Variants in ANKRD52 observed in about 807,000 individuals in gnomAD.
ANKRD52 encodes the protein ankyrin repeat domain 52, also known as serine/threonine-protein phosphatase 6 regulatory ankyrin repeat subunit C.
In ANKRD52, 7 loss-of-function variants were observed where a neutral mutation model predicts 116.0. The ratio of observed to expected loss-of-function variants is 0.06; its 90% CI spans 0.03 to 0.11. ANKRD52 has a LOEUF of 0.11. ANKRD52 is among the 10% of genes least tolerant of loss of function. ANKRD52 has a pLI of 1.00. For missense variants in ANKRD52, 839 were observed against 1,408.6 expected (o/e 0.60, Z 6.47); for synonymous variants, 528 against 578.1 (o/e 0.91, Z 1.24).
Position 56,242,891 on chromosome 12 carries a change from T to C in ANKRD52, c.*251A>G. On this transcript the variant is annotated 3_prime_UTR_variant, in exon 28 of 28. Coordinates refer to ENST00000267116, the MANE Select transcript of ANKRD52 (RefSeq NM_173595.4). This position sits in a 1 kb window ranked among gnomAD's most constrained non-coding sequence, Gnocchi z 4.3. Reference sequence around the variant, plus strand: ...GGGGGAGCCAGGCATTTAGCAATCATTTTGGGACACTTGGCAGAAGGGGTC... The same window carrying C: ...GGGGGAGCCAGGCATTTAGCAATCACTTTGGGACACTTGGCAGAAGGGGTC... 2.1e-6 allele frequency: 1 copy of C among 486,068 alleles called. No individual in the cohort carries two copies. Among genetic ancestry groups the C allele is most frequent in the Non-Finnish European group, 3.6e-6 (1 of 276,194 alleles). The allele number at this position is 486,068 out of a possible 1,614,324, so 30.1% of individuals were successfully genotyped here. A position where few individuals can be genotyped will look rare whatever the true frequency, so the allele number is the denominator to read the frequency against.
Position 56,253,953 on chromosome 12 carries a change from T to C in ANKRD52, c.906+114A>G, listed in dbSNP as rs899068592. On this transcript the variant is annotated intron_variant, in intron 8 of 27. Coordinates refer to ENST00000267116, the MANE Select transcript of ANKRD52 (RefSeq NM_173595.4). This position sits in a 1 kb window ranked among gnomAD's most constrained non-coding sequence, Gnocchi z 5.5. Reference sequence around the variant, plus strand: ...TCTTTCCTGAGTCCCTGGCAAGGTCTGATTACCCTAGGAAGCAAGTGGATA... The same window carrying C: ...TCTTTCCTGAGTCCCTGGCAAGGTCCGATTACCCTAGGAAGCAAGTGGATA... The C allele has an allele frequency of 5.9e-6, 8 of 1,357,490 alleles. No individual in the cohort carries two copies. The highest frequency in any genetic ancestry group is 6.1e-6 in the Non-Finnish European group (6 of 976,908). The allele number at this position is 1,357,490 out of a possible 1,614,324, so 84.1% of individuals were successfully genotyped here. A position where few individuals can be genotyped will look rare whatever the true frequency, so the allele number is the denominator to read the frequency against.
Position 56,241,681 on chromosome 12 carries a change from G to T in ANKRD52, c.*1461C>A. 1 of 287,536 alleles carries T rather than the reference G, an allele frequency of 3.5e-6. No individual in the cohort carries two copies. Among genetic ancestry groups the T allele is most frequent in the Non-Finnish European group, 6.4e-6 (1 of 155,624 alleles). 17.8% of individuals were successfully genotyped at this position (287,536 alleles called of 1,614,324 possible). A position where few individuals can be genotyped will look rare whatever the true frequency, so the allele number is the denominator to read the frequency against. On this transcript the variant is annotated 3_prime_UTR_variant, in exon 28 of 28. Transcript: ENST00000267116. The stretch of plus-strand genomic sequence containing the variant: ...TTCTGTGTCTTGGCCCCTGGCTGAG[G>T]TATTGAGTGTGAGGAAGGGAACACT...
chr12:56,238,054 G>A lies in ANKRD52; in HGVS notation c.*5088C>T, dbSNP rs777537070. 4 of 274,552 alleles carry A rather than the reference G, an allele frequency of 1.5e-5. No homozygotes were observed. Among genetic ancestry groups the A allele is most frequent in the East Asian group, 6.7e-5 (1 of 14,860 alleles). 17.0% of individuals were successfully genotyped at this position (274,552 alleles called of 1,614,324 possible). A position where few individuals can be genotyped will look rare whatever the true frequency, so the allele number is the denominator to read the frequency against. ...GTCCCCACTTTTTCCTGCTGCCCTC[G>A]GCACCCTGGGGATGCAGGCATCTGG... On this transcript the variant is annotated 3_prime_UTR_variant, in exon 28 of 28. Coordinates refer to ENST00000267116, the MANE Select transcript of ANKRD52 (RefSeq NM_173595.4).
chr12:56,254,522 C>G lies in ANKRD52; in HGVS notation c.693+56G>C. On this transcript the variant is annotated intron_variant, in intron 7 of 27. Coordinates refer to ENST00000267116, the MANE Select transcript of ANKRD52 (RefSeq NM_173595.4). The surrounding 1 kb of genome is among the most constrained non-coding windows in gnomAD (Gnocchi z 4.6). ...CAATACCTCATATCTCCGTAACAGA[C>G]TATAATCTCCTACTTGCTGCCCATA... The G allele has an allele frequency of 3.1e-6, 5 of 1,595,564 alleles. No homozygotes were observed. The highest frequency in any genetic ancestry group is 4.3e-6 in the Non-Finnish European group (5 of 1,171,060).
In ANKRD52 at chr12:56,248,135, G is replaced by T. The variant is rs775922926; in HGVS notation, c.1866C>A (p.Leu622=). 3.1e-6 allele frequency: 5 copies of T among 1,613,928 alleles called. No homozygotes were observed. The East Asian group carries it at 1.1e-4, about 36-fold the overall frequency. The part of the protein sequence containing the change: ...DVRDHKGRTA[L]FLATERGSTE... ...TAGAGCCGCGCTCCGTGGCCAGGAAGAGTGCGGTCCGGCCCTTGTGGTCCC... is the reference window on the plus strand; with the variant it reads ...TAGAGCCGCGCTCCGTGGCCAGGAATAGTGCGGTCCGGCCCTTGTGGTCCC... Residue 622 remains leucine (L), a synonymous_variant, in exon 18 of 28, where the codon CTC becomes CTA. Coordinates refer to ENST00000267116, the MANE Select transcript of ANKRD52 (RefSeq NM_173595.4). The surrounding 1 kb of genome is among the most constrained non-coding windows in gnomAD (Gnocchi z 5.1).
chr12:56,255,085 G>A lies in ANKRD52; in HGVS notation c.463-133C>T. On this transcript the variant is annotated intron_variant, in intron 5 of 27. Transcript: ENST00000267116. This position sits in a 1 kb window ranked among gnomAD's most constrained non-coding sequence, Gnocchi z 4.3. ...TTTCCATGAGCAAAACAACCTGGAGGACTCGAGGGAACAGCAGAAGCAGGC... is the reference window on the plus strand; with the variant it reads ...TTTCCATGAGCAAAACAACCTGGAGAACTCGAGGGAACAGCAGAAGCAGGC... The A allele has an allele frequency of 1.3e-6, 1 of 761,216 alleles. No homozygotes were observed. The allele number at this position is 761,216 out of a possible 1,614,324, so 47.2% of individuals were successfully genotyped here.
rs1871291829 is a variant in ANKRD52, at chr12:56,244,235, C to A, written c.2806-102G>T. ...AACAGGAGGACAAACAGCTGCCCAA[C>A]CAGTCGGATAGGCTGGACAATCCTC... On this transcript the variant is annotated intron_variant, in intron 25 of 27. Transcript: ENST00000267116. This position sits in a 1 kb window ranked among gnomAD's most constrained non-coding sequence, Gnocchi z 4.9. 1.3e-6 allele frequency: 2 copies of A among 1,531,484 alleles called. No homozygotes were observed. Among genetic ancestry groups the A allele is most frequent in the African/African-American group, 1.4e-5 (1 of 73,256 alleles). The allele number at this position is 1,531,484 out of a possible 1,614,324, so 94.9% of individuals were successfully genotyped here.
In ANKRD52 at chr12:56,257,914, G is replaced by A. The variant is rs1456090152; in HGVS notation, c.28-3C>T. ...AAGATGGCCTGGACCAGGGGCGGCTGCAGAGAGAACCGGCATTCTGAGAGC... is the reference window on the plus strand; with the variant it reads ...AAGATGGCCTGGACCAGGGGCGGCTACAGAGAGAACCGGCATTCTGAGAGC... On this transcript the variant is annotated splice_polypyrimidine_tract_variant and splice_region_variant and intron_variant, in intron 1 of 27. Coordinates refer to ENST00000267116, the MANE Select transcript of ANKRD52 (RefSeq NM_173595.4). 2 of 1,612,224 alleles carry A rather than the reference G, an allele frequency of 1.2e-6. No individual in the cohort carries two copies. The highest frequency in any genetic ancestry group is 1.1e-5 in the South Asian group (1 of 91,018).
At position 56,255,180 on chromosome 12, in the gene ANKRD52, T is replaced by A; in HGVS notation, c.463-228A>T. The A allele has an allele frequency of 2.2e-6, 1 of 450,286 alleles. No homozygotes were observed. The highest frequency in any genetic ancestry group is 4.0e-6 in the Non-Finnish European group (1 of 252,388). 27.9% of individuals were successfully genotyped at this position (450,286 alleles called of 1,614,324 possible). A position where few individuals can be genotyped will look rare whatever the true frequency, so the allele number is the denominator to read the frequency against. On this transcript the variant is annotated intron_variant, in intron 5 of 27. Transcript: ENST00000267116. This position sits in a 1 kb window ranked among gnomAD's most constrained non-coding sequence, Gnocchi z 4.3. Reference sequence around the variant, plus strand: ...AAGAGAGTCTCTTCAGGTGATCTGGTGGTTCTTAAACTCTTTTTTTTTTTT... The same window carrying A: ...AAGAGAGTCTCTTCAGGTGATCTGGAGGTTCTTAAACTCTTTTTTTTTTTT...
rs1871842909 is a variant in ANKRD52, at chr12:56,254,331, G to T, written c.694-52C>A. On this transcript the variant is annotated intron_variant, in intron 7 of 27. Transcript: ENST00000267116. This position sits in a 1 kb window ranked among gnomAD's most constrained non-coding sequence, Gnocchi z 4.6. ...TGGTATCAGTTTAAACAAAGTAGAA[G>T]CCAGCACATGTAGCCTCCAGATCCC... 3 of 1,569,610 alleles carry T rather than the reference G, an allele frequency of 1.9e-6. No homozygotes were observed. The African/African-American group carries it at 4.1e-5, about 21-fold the overall frequency.
rs760926383 is a variant in ANKRD52 at position 56,254,647 on chromosome 12, C to T, written c.624G>A (p.Gly208=). The T allele has an allele frequency of 6.2e-7, 1 of 1,613,900 alleles. No individual in the cohort carries two copies. Among genetic ancestry groups the T allele is most frequent in the Non-Finnish European group, 8.5e-7 (1 of 1,179,830 alleles). ...CACTGGCAGCAGCTGTATGGAGCAGCCCATAGCCCTTGCGGTCCTTGCAGC... is the reference window on the plus strand; with the variant it reads ...CACTGGCAGCAGCTGTATGGAGCAGTCCATAGCCCTTGCGGTCCTTGCAGC... ...DLGCKDRKGY[G]LLHTAAASGQ... is the part of the protein sequence containing the mutation. Residue 208 remains glycine (G), a synonymous_variant, in exon 7 of 28, where the codon GGG becomes GGA. Transcript: ENST00000267116. The surrounding 1 kb of genome is among the most constrained non-coding windows in gnomAD (Gnocchi z 4.6).
Position 56,240,247 on chromosome 12 carries a change from C to T in ANKRD52, c.*2895G>A, listed in dbSNP as rs947187977. ...TTCTGAAGGATAGTATATGACCCTACCAGAGCCACCGCCCAATCAGAAATA... is the reference window on the plus strand; with the variant it reads ...TTCTGAAGGATAGTATATGACCCTATCAGAGCCACCGCCCAATCAGAAATA... On this transcript the variant is annotated 3_prime_UTR_variant, in exon 28 of 28. Coordinates refer to ENST00000267116, the MANE Select transcript of ANKRD52 (RefSeq NM_173595.4). This position sits in a 1 kb window ranked among gnomAD's most constrained non-coding sequence, Gnocchi z 4.2. 6.6e-6 allele frequency: 1 copy of T among 152,184 alleles called. No homozygotes were observed. Among genetic ancestry groups the T allele is most frequent in the African/African-American group, 2.4e-5 (1 of 41,430 alleles). 9.4% of individuals were successfully genotyped at this position (152,184 alleles called of 1,614,324 possible).
rs542003329 is a variant in ANKRD52, at chr12:56,255,751, C to G, written c.462+33G>C. On this transcript the variant is annotated intron_variant, in intron 5 of 27. Transcript: ENST00000267116. This position sits in a 1 kb window ranked among gnomAD's most constrained non-coding sequence, Gnocchi z 4.3. ...AGTAGGAAGGTAAGAAAAGGGAAAGCCCCAGCTGGGCCTGGATGGGAACAG... is the reference window on the plus strand; with the variant it reads ...AGTAGGAAGGTAAGAAAAGGGAAAGGCCCAGCTGGGCCTGGATGGGAACAG... 6 of 1,526,060 alleles carry G rather than the reference C, an allele frequency of 3.9e-6. No individual in the cohort carries two copies. In the African/African-American group the frequency reaches 8.2e-5, roughly 21 times the overall value. 94.5% of individuals were successfully genotyped at this position (1,526,060 alleles called of 1,614,324 possible). A position where few individuals can be genotyped will look rare whatever the true frequency, so the allele number is the denominator to read the frequency against.
chr12:56,245,284 G>A, intron 21 of ANKRD52, 93 bp downstream of exon 21: 2 of 1,600,906 alleles, frequency 1.2e-6, no homozygotes, highest in Admixed American at 3.3e-5. Context: ...TCCAGATTCA[G>A]ATCAACCCAG....
Position 56,252,653 on chromosome 12 carries a change from G to A in ANKRD52, c.1302-83C>T, listed in dbSNP as rs574148114. 10 of 1,543,490 alleles carry A rather than the reference G, an allele frequency of 6.5e-6. No homozygotes were observed. The East Asian group carries it at 2.2e-4, about 35-fold the overall frequency. ...GTGGGGCTAAGGAAGGATGGGACTA[G>A]CAAGCCCTTTCTGCTGTGACTGCTT... On this transcript the variant is annotated intron_variant, in intron 12 of 27. Coordinates refer to ENST00000267116, the MANE Select transcript of ANKRD52 (RefSeq NM_173595.4). This position sits in a 1 kb window ranked among gnomAD's most constrained non-coding sequence, Gnocchi z 4.7.
chr12:56,249,688 G>A (rs962392287), intron 15 of ANKRD52, among the ~76,000 whole-genome samples: 3 of 152,172 alleles, frequency 2.0e-5, no homozygotes, highest in African/African-American at 4.8e-5. Context: ...CAGATCACCC[G>A]CGGTCAGGAG....
In ANKRD52 at chr12:56,252,668, T is replaced by C. The variant is rs1407065716; in HGVS notation, c.1302-98A>G. The C allele has an allele frequency of 7.2e-6, 11 of 1,537,226 alleles. No homozygotes were observed. The highest frequency in any genetic ancestry group is 9.9e-6 in the Non-Finnish European group (11 of 1,113,512). Reference sequence around the variant, plus strand: ...GATGGGACTAGCAAGCCCTTTCTGCTGTGACTGCTTTCATTGTGAGAGGGG... The same window carrying C: ...GATGGGACTAGCAAGCCCTTTCTGCCGTGACTGCTTTCATTGTGAGAGGGG... On this transcript the variant is annotated intron_variant, in intron 12 of 27. Transcript: ENST00000267116. This position sits in a 1 kb window ranked among gnomAD's most constrained non-coding sequence, Gnocchi z 4.7.
At chr12:56,251,943 TAGG>T in intron 15 of ANKRD52, 69 bp downstream of exon 15, 10 of 1,510,334 alleles carry the variant, frequency 6.6e-6, no homozygotes, top group African/African-American at 1.4e-5. Flanking sequence ...TCAGATTAGG[TAGG>T]AGGACAGTAG....
intron 3 of ANKRD52, 91 bp downstream of exon 3, chr12:56,257,192 A>T: frequency 6.5e-7 from 1 of 1,546,928 alleles, no homozygotes; most frequent in Non-Finnish European, 8.8e-7. Context: ...CGCCTGGACC[A>T]AGCCGGGGAG....
Sources: gnomAD v4.1 joint callset for allele counts (sites outside exome capture counted in the v4.1 genomes callset) on GRCh38, gnomAD v4.1.1 for gene constraint, Gnocchi (gnomAD v3.1) non-coding constraint, MANE v1.5 for transcripts, NCBI Gene and HGNC (gene_info 2026-07-23, HGNC 2026-07-21) for gene names.